The following CATSPER2 variants were observed in gnomAD, a reference collection of about 807,000 sequenced individuals.
The protein encoded by CATSPER2 is cation channel sperm associated 2.
In CATSPER2, 56 loss-of-function variants were observed where a neutral mutation model predicts 68.8. The ratio of observed to expected loss-of-function variants is 0.81; its 90% CI spans 0.66 to 1.02. CATSPER2 has a LOEUF of 1.02. Among genes scored for constraint, CATSPER2 ranks in the 50% least tolerant of loss-of-function variants. The pLI, the probability that CATSPER2 is intolerant of heterozygous loss-of-function variation, is 0.00. For missense variants in CATSPER2, 582 were observed against 642.0 expected (o/e 0.91, Z 1.01); for synonymous variants, 198 against 229.9 (o/e 0.86, Z 1.26).
chr15:43,631,922 T>C (rs2085878429), intron 12 of CATSPER2, among the ~76,000 whole-genome samples: 1 of 151,998 alleles, frequency 6.6e-6, no homozygotes, highest in Non-Finnish European at 1.5e-5. Flanking sequence ...GGGATTAGAC[T>C]TTCTCTTCTT....
intron 4 of CATSPER2, chr15:43,642,491 TAAC>T (rs1236909633): frequency 1.1e-4 from 15 of 136,122 alleles, no homozygotes; most frequent in East Asian, 2.1e-4. Flanking sequence ...TTTTTTCACT[TAAC>T]AATAAATTCT....
At chr15:43,638,286 C>CTTTTTTTTTTTTTTTTTTTTTTTT (rs71460446) in intron 7 of CATSPER2, among the ~76,000 whole-genome samples, 2 of 81,868 alleles carry the variant, frequency 2.4e-5, no homozygotes, top group African/African-American at 1.5e-4. Flanking sequence ...TTCTTTCTTT[C>CTTTTTTTTTTTTTTTTTTTTTTTT]TTTTTTTTTT....
intron 12 of CATSPER2, among the ~76,000 whole-genome samples, chr15:43,631,724 T>C (rs1422188096): frequency 6.6e-6 from 1 of 151,960 alleles, no homozygotes; most frequent in East Asian, 1.9e-4. Flanking sequence ...TAAACCTCTT[T>C]AGGCAGTTAG....
chr15:43,630,794 G>A, intron 12 of CATSPER2, 62 bp from the exon 13 acceptor site: 1 of 1,611,156 alleles, frequency 6.2e-7, no homozygotes, highest in Non-Finnish European at 8.5e-7. Context: ...ATAAATGTTT[G>A]GTGAAGACCT....
intron 4 of CATSPER2, among the ~76,000 whole-genome samples, chr15:43,640,965 C>T (rs1365640884): frequency 1.3e-5 from 2 of 151,500 alleles, no homozygotes; most frequent in African/African-American, 4.9e-5. Context: ...TAGGGTATAT[C>T]GAATTATAAC....
chr15:43,628,503 T>G lies in CATSPER2; in HGVS notation c.*2198A>C. The G allele has an allele frequency of 1.3e-5, 2 of 150,450 alleles. No homozygotes were observed. Among genetic ancestry groups the G allele is most frequent in the African/African-American group, 2.5e-5 (1 of 40,436 alleles). The allele number at this position is 150,450 out of a possible 1,614,324, so 9.3% of individuals were successfully genotyped here. On this transcript the variant is annotated 3_prime_UTR_variant, in exon 13 of 13. Transcript: ENST00000396879. ...CCCAAGAAACCACTAATCTACTTTC[T>G]GTCTTCATAGATTTGTTTATTCTGG... is the stretch of plus-strand genomic sequence containing the variant.
chr15:43,639,950 T>C, intron 5 of CATSPER2, 152 bp from the exon 6 acceptor site: 7 of 1,533,102 alleles, frequency 4.6e-6, no homozygotes, highest in Non-Finnish European at 6.2e-6. Context: ...CTTTCTATAT[T>C]AAGTTGCTTA....
rs199516208 is a variant in CATSPER2 at position 43,638,903 on chromosome 15, C to G, written c.842+1G>C. 1.1e-5 allele frequency: 17 copies of G among 1,612,516 alleles called. 1 individual carries two copies. Among genetic ancestry groups the G allele is most frequent in the Non-Finnish European group, 1.4e-5 (16 of 1,179,234 alleles). On this transcript the variant is annotated splice_donor_variant, in intron 7 of 12. Coordinates refer to ENST00000396879, the MANE Select transcript of CATSPER2 (RefSeq NM_172095.4). LOFTEE classifies it high-confidence loss of function. ...ACCCAGCTGTCCCCAGCTCTGCTTACGAGAAGAACACATGGTACTCCAGGT... is the reference window on the plus strand; with the variant it reads ...ACCCAGCTGTCCCCAGCTCTGCTTAGGAGAAGAACACATGGTACTCCAGGT...
chr15:43,648,500 G>C, intron 1 of CATSPER2, 129 bp downstream of exon 1: 3 of 941,694 alleles, frequency 3.2e-6, no homozygotes, highest in Non-Finnish European at 4.4e-6. Context: ...GAGAAACCAA[G>C]TGCAGAGAAA....
chr15:43,647,551 T>G, intron 2 of CATSPER2, 84 bp from the exon 3 acceptor site: 1 of 1,304,678 alleles, frequency 7.7e-7, no homozygotes, highest in South Asian at 1.2e-5. Flanking sequence ...ACTGGTCAGG[T>G]AATGGGTTCC....
At chr15:43,646,217 C>T (rs914235164) in intron 4 of CATSPER2, among the ~76,000 whole-genome samples, 2 of 151,122 alleles carry the variant, frequency 1.3e-5, no homozygotes, top group Non-Finnish European at 2.9e-5. Flanking sequence ...TATATTGCTA[C>T]ATATTACACC....
At chr15:43,646,293 CT>C (rs55748592) in intron 4 of CATSPER2, among the ~76,000 whole-genome samples, 39 of 147,184 alleles carry the variant, frequency 2.6e-4, no homozygotes, top group Admixed American at 2.1e-3. Flanking sequence ...ATTAATATTT[CT>C]TTTTTTTTTG....
intron 10 of CATSPER2, chr15:43,634,512 C>G (rs1415197490): frequency 1.3e-5 from 2 of 152,008 alleles, no homozygotes; most frequent in Non-Finnish European, 2.9e-5. Context: ...CCGCACCCAC[C>G]CTGCTAAATT....
chr15:43,638,286 C>CTTTCTTTTTTTTTTTTTTTTTTTTTT (rs1354288133), intron 7 of CATSPER2, among the ~76,000 whole-genome samples: 30 of 81,838 alleles, frequency 3.7e-4, no homozygotes, highest in African/African-American at 1.5e-3. Context: ...TTCTTTCTTT[C>CTTTCTTTTTTTTTTTTTTTTTTTTTT]TTTTTTTTTT....
chr15:43,648,845 G>C (rs761044687), upstream of CATSPER2: 14 of 1,526,426 alleles, frequency 9.2e-6, no homozygotes, highest in African/African-American at 1.4e-5. Context: ...GCGGAGCAAC[G>C]CTCGCCCAGC....
chr15:43,647,187 A>T, intron 3 of CATSPER2, 69 bp from the exon 4 acceptor site: 1 of 1,566,904 alleles, frequency 6.4e-7, no homozygotes. Context: ...TAATAAGAGC[A>T]ATAACATAAG....
intron 2 of CATSPER2, 88 bp from the exon 3 acceptor site, chr15:43,647,555 G>A: frequency 2.4e-6 from 3 of 1,249,518 alleles, no homozygotes; most frequent in South Asian, 2.4e-5. Flanking sequence ...GTCAGGTAAT[G>A]GGTTCCCCTA....
chr15:43,639,606 C>T, intron 6 of CATSPER2, 37 bp downstream of exon 6: 1 of 1,611,510 alleles, frequency 6.2e-7, no homozygotes, highest in Non-Finnish European at 8.5e-7. Context: ...CATTTATCTA[C>T]CTTGCCCCCT....
At position 43,632,152 on chromosome 15, in the gene CATSPER2, G is replaced by A. The variant is rs564357146; in HGVS notation, c.1561+47C>T. ...CTCCTCCTTCTCCACAGCTATAAACGCTATATATATATTCCCATGGTCCCC... is the reference window on the plus strand; with the variant it reads ...CTCCTCCTTCTCCACAGCTATAAACACTATATATATATTCCCATGGTCCCC... On this transcript the variant is annotated intron_variant, in intron 12 of 12. Coordinates refer to ENST00000396879, the MANE Select transcript of CATSPER2 (RefSeq NM_172095.4). The A allele has an allele frequency of 3.6e-5, 57 of 1,584,458 alleles. 1 individual carries two copies. Among genetic ancestry groups the A allele is most frequent in the African/African-American group, 1.1e-4 (8 of 74,116 alleles).
Sources: allele counts gnomAD v4.1 joint callset (sites outside exome capture counted in the v4.1 genomes callset), GRCh38; gene constraint gnomAD v4.1.1; transcripts MANE v1.5; gene names NCBI Gene and HGNC (gene_info 2026-07-23, HGNC 2026-07-21).